The following DAB1 variants were observed in gnomAD, a reference collection of about 807,000 sequenced individuals.
DAB1 encodes DAB adaptor protein 1.
A neutral mutation model predicts 64.6 loss-of-function variants in DAB1; 15 were observed. The observed-to-expected ratio is 0.23, with a 90% confidence interval of 0.16 to 0.36. The LOEUF (loss-of-function observed/expected upper bound fraction) is 0.36, where lower values mean the gene tolerates loss of function less well. Among genes scored for constraint, DAB1 ranks in the 10% least tolerant of loss-of-function variants. The pLI is 1.00. For missense variants in DAB1, 596 were observed against 706.7 expected (o/e 0.84, Z 1.78); for synonymous variants, 235 against 251.9 (o/e 0.93, Z 0.64).
chr1:58,031,724 G>A (rs187034739), intron 5 of DAB1, among the ~76,000 whole-genome samples: 2 of 152,238 alleles, frequency 1.3e-5, no homozygotes, highest in African/African-American at 4.8e-5. Flanking sequence ...TGTGCCCTAA[G>A]CCTCAAAGGG....
Position 57,312,774 on chromosome 1 carries a change from T to G in DAB1, c.-136-21608A>C, listed in dbSNP as rs773252802. 5.6e-4 allele frequency among the ~76,000 whole-genome samples: 86 copies of G among 152,296 alleles called. 1 individual carries two copies. The highest frequency in any genetic ancestry group is 2.5e-3 in the South Asian group (12 of 4,826). On this transcript the variant is annotated intron_variant, in intron 1 of 14. Transcript: ENST00000371236. ...TGAGGGCCAAACTTCCCAAAGGTTC[T>G]CATTTGCAGCAGTGGCCGGTGAGCA...
chr1:57,569,690 T>C (rs1427521311), intron 7 of DAB1, among the ~76,000 whole-genome samples: 1 of 152,126 alleles, frequency 6.6e-6, no homozygotes, highest in Non-Finnish European at 1.5e-5. Flanking sequence ...GGCACATGTA[T>C]ACATATGTAA....
intron 3 of DAB1, among the ~76,000 whole-genome samples, chr1:58,358,087 A>C (rs185142399): frequency 1.3e-5 from 2 of 152,338 alleles, no homozygotes; most frequent in African/African-American, 4.8e-5. Context: ...CTGTTTCCAG[A>C]AATATCCAGA....
chr1:57,416,991 CT>C (rs1441587306), intron 1 of DAB1, among the ~76,000 whole-genome samples: 1 of 152,012 alleles, frequency 6.6e-6, no homozygotes. Flanking sequence ...AATACCATTT[CT>C]TTTTATTATA....
chr1:58,489,842 G>C (rs1406806049), intron 3 of DAB1, among the ~76,000 whole-genome samples: 3 of 152,192 alleles, frequency 2.0e-5, no homozygotes, highest in African/African-American at 7.2e-5. Flanking sequence ...GGTCTGGAGT[G>C]GTCCTCCAGC....
intron 5 of DAB1, among the ~76,000 whole-genome samples, chr1:57,923,693 T>C (rs970137972): frequency 6.6e-6 from 1 of 152,234 alleles, no homozygotes. Context: ...CTCAATGTTG[T>C]CGTGGATATA....
chr1:57,819,008 A>T (rs852761), intron 6 of DAB1, among the ~76,000 whole-genome samples: 49,184 of 151,860 alleles, frequency 0.32, 9,014 homozygotes, highest in Admixed American at 0.47. Context: ...AAATTTTTTT[A>T]AAAAATCTCT....
chr1:58,361,551 AC>A (rs1029421292), intron 3 of DAB1, among the ~76,000 whole-genome samples: 1 of 144,520 alleles, frequency 6.9e-6, no homozygotes, highest in African/African-American at 2.5e-5. Flanking sequence ...AATTCTGCAA[AC>A]CACAGTTTTG....
At chr1:58,519,469 C>G (rs1646226327) in intron 2 of DAB1, among the ~76,000 whole-genome samples, 1 of 152,166 alleles carries the variant, frequency 6.6e-6, no homozygotes, top group East Asian at 1.9e-4. Flanking sequence ...TACAATCTTA[C>G]AGTAGAGCTC....
intron 4 of DAB1, among the ~76,000 whole-genome samples, chr1:58,308,503 G>A (rs1038782116): frequency 6.6e-6 from 1 of 151,998 alleles, no homozygotes; most frequent in Non-Finnish European, 1.5e-5. Context: ...TTCCACAGTG[G>A]AAGCACCTGT....
At chr1:57,212,359 C>CTTTTTTT (rs57653531) in intron 2 of DAB1, among the ~76,000 whole-genome samples, 1 of 82,176 alleles carries the variant, frequency 1.2e-5, no homozygotes, top group Non-Finnish European at 2.2e-5. Context: ...ATATTATTTC[C>CTTTTTTT]TTTTTTTTTT....
chr1:57,333,016 C>A (rs1197868560), intron 1 of DAB1, among the ~76,000 whole-genome samples: 1 of 152,194 alleles, frequency 6.6e-6, no homozygotes, highest in African/African-American at 2.4e-5. Flanking sequence ...TCTTTCCCAT[C>A]CCGTAGATCC....
At chr1:58,134,221 T>C (rs1557665684) in intron 5 of DAB1, among the ~76,000 whole-genome samples, 1 of 152,230 alleles carries the variant, frequency 6.6e-6, no homozygotes, top group African/African-American at 2.4e-5. Flanking sequence ...TGGCATCTGG[T>C]GAAGGCTTGC....
intron 1 of DAB1, among the ~76,000 whole-genome samples, chr1:57,871,941 A>T (rs1039327013): frequency 6.6e-6 from 1 of 152,146 alleles, no homozygotes; most frequent in African/African-American, 2.4e-5. Context: ...AGTGTAGGGT[A>T]TCCAGTCAGA....
chr1:57,042,750 GTGATAGCATGACATTA>G (rs1014325172), intron 9 of DAB1, among the ~76,000 whole-genome samples: 1 of 152,048 alleles, frequency 6.6e-6, no homozygotes, highest in African/African-American at 2.4e-5. Context: ...AAGAAACTTG[GTGATAGCATGACATTA>G]TATGGAGGGT....
chr1:57,317,162 C>T (rs1675283422), intron 1 of DAB1, among the ~76,000 whole-genome samples: 1 of 152,222 alleles, frequency 6.6e-6, no homozygotes, highest in African/African-American at 2.4e-5. Context: ...GGCAAACAGC[C>T]TAAGAAGAAC....
At chr1:58,400,603 G>A (rs543154407) in intron 3 of DAB1, among the ~76,000 whole-genome samples, 3 of 152,266 alleles carry the variant, frequency 2.0e-5, no homozygotes, top group South Asian at 2.1e-4. Context: ...TATTTACGGC[G>A]CTGAGACAGC....
intron 3 of DAB1, among the ~76,000 whole-genome samples, chr1:58,489,836 T>C (rs1645646913): frequency 6.6e-6 from 1 of 152,220 alleles, no homozygotes. Context: ...AAACAGGGTC[T>C]GGAGTGGTCC....
At position 57,014,894 on chromosome 1, in the gene DAB1, G is replaced by A. The variant is rs530254461; in HGVS notation, c.1433C>T (p.Ser478Leu). Residue 478 changes from serine to leucine, a missense_variant, in exon 12 of 15, where the codon TCG becomes TTG. Ser to Leu is a moderately radical substitution (Grantham distance 145). Coordinates refer to ENST00000371236, the MANE Select transcript of DAB1 (RefSeq NM_001365792.1). ...NLTPVTSTTP[S>L]TNSPPTPAPR... is the part of the protein sequence containing the mutation. ...TGAGGGGCACTCACGTGAGTTGGTCGATGGTGTGGTAGAAGTCACAGGGGT... is the reference window on the plus strand; with the variant it reads ...TGAGGGGCACTCACGTGAGTTGGTCAATGGTGTGGTAGAAGTCACAGGGGT... The A allele has an allele frequency of 2.5e-6, 4 of 1,569,352 alleles. No individual in the cohort carries two copies. Among genetic ancestry groups the A allele is most frequent in the East Asian group, 4.5e-5 (2 of 44,394 alleles).
Sources: allele counts gnomAD v4.1 joint callset (sites outside exome capture counted in the v4.1 genomes callset), GRCh38; gene constraint gnomAD v4.1.1; transcripts MANE v1.5; gene names NCBI Gene and HGNC (gene_info 2026-07-23, HGNC 2026-07-21).